Variants in BNC2 observed in about 807,000 individuals in gnomAD.
BNC2 encodes the protein zinc finger protein basonuclin-2.
A neutral mutation model predicts 76.3 loss-of-function variants in BNC2; 20 were observed. The ratio of observed to expected loss-of-function variants is 0.26; its 90% CI spans 0.18 to 0.38. BNC2 has a LOEUF of 0.38. Among genes scored for constraint, BNC2 ranks in the 10% least tolerant of loss-of-function variants. The pLI, the probability that BNC2 is intolerant of heterozygous loss-of-function variation, is 1.00. For missense variants in BNC2, 1,382 were observed against 1,399.8 expected (o/e 0.99, Z 0.20); for synonymous variants, 582 against 514.8 (o/e 1.13, Z -1.77).
chr9:16,431,403 C>T, intron 6 of BNC2: 1 of 452,646 alleles, frequency 2.2e-6, no homozygotes, highest in Non-Finnish European at 4.7e-6. Flanking sequence ...TTACACCCAC[C>T]AGCTAATTCT....
chr9:16,512,908 G>GC (rs1332189143), intron 5 of BNC2, among the ~76,000 whole-genome samples: 1 of 152,138 alleles, frequency 6.6e-6, no homozygotes, highest in South Asian at 2.1e-4. Flanking sequence ...GGCTGAGGGG[G>GC]GAAGATCACT....
intron 3 of BNC2, chr9:16,704,688 TTTTAAA>T (rs1392336089): frequency 5.6e-5 from 1 of 17,908 alleles, no homozygotes; most frequent in African/African-American, 8.3e-5. Context: ...TGGTTTTTTT[TTTTAAA>T]AAAAAAAAAA....
intron 1 of BNC2, among the ~76,000 whole-genome samples, chr9:16,866,783 G>A (rs991014738): frequency 1.3e-5 from 2 of 151,376 alleles, no homozygotes; most frequent in Non-Finnish European, 2.9e-5. Context: ...TAAACCTTAA[G>A]TATATCTAAT....
At chr9:16,634,503 T>A (rs577951557) in intron 3 of BNC2, among the ~76,000 whole-genome samples, 1 of 36,432 alleles carries the variant, frequency 2.7e-5, no homozygotes, top group Non-Finnish European at 4.9e-5. Flanking sequence ...TTCAAATATC[T>A]TTTTTTTTTT....
chr9:16,612,674 T>C (rs1378384461), intron 3 of BNC2, among the ~76,000 whole-genome samples: 3 of 152,194 alleles, frequency 2.0e-5, no homozygotes, highest in South Asian at 2.1e-4. Context: ...GAGATAAACC[T>C]GACCACAAAT....
At chr9:16,853,326 G>A (rs1023035270) in intron 1 of BNC2, among the ~76,000 whole-genome samples, 4 of 150,694 alleles carry the variant, frequency 2.7e-5, no homozygotes, top group African/African-American at 9.8e-5. Flanking sequence ...GATCACCTGA[G>A]CCCAGGGAGG....
intron 1 of BNC2, among the ~76,000 whole-genome samples, chr9:16,852,580 T>C (rs2136163540): frequency 1.3e-5 from 2 of 152,314 alleles, no homozygotes; most frequent in Middle Eastern, 6.8e-3. Context: ...CCTGTTCTTA[T>C]GGGGCTTCAT....
chr9:16,844,478 G>A (rs1394212473), intron 1 of BNC2, among the ~76,000 whole-genome samples: 6 of 145,726 alleles, frequency 4.1e-5, no homozygotes, highest in South Asian at 2.1e-4. Flanking sequence ...GTATTTTTAC[G>A]AATATTTTTC....
At chr9:16,819,983 G>A (rs886180670) in intron 1 of BNC2, among the ~76,000 whole-genome samples, 1 of 151,952 alleles carries the variant, frequency 6.6e-6, no homozygotes, top group East Asian at 1.9e-4. Context: ...AAATTAGCTA[G>A]GCGTGATGGT....
chr9:16,759,755 G>A lies in BNC2; in HGVS notation c.4-21270C>T, dbSNP rs544812101. Among the ~76,000 whole-genome samples the A allele has an allele frequency of 2.1e-5, 3 of 146,100 alleles. No homozygotes were observed. In the South Asian group the frequency reaches 6.5e-4, roughly 32 times the overall value. ...TTTTTTTTTTTTGACACAGAGTCTCGCTCTGTCGCCCTGACTAGAGTGTAG... is the reference window on the plus strand; with the variant it reads ...TTTTTTTTTTTTGACACAGAGTCTCACTCTGTCGCCCTGACTAGAGTGTAG... On this transcript the variant is annotated intron_variant, in intron 1 of 6. Coordinates refer to ENST00000380672, the MANE Select transcript of BNC2 (RefSeq NM_017637.6).
rs956310171 is a variant in BNC2, at chr9:16,543,840, G to T, written c.669+8690C>A. ...AGTCTCTGAAACTATCTCTCTAATA[G>T]GGAGGTTAGGAGGCTTGCCAGGACA... On this transcript the variant is annotated intron_variant, in intron 5 of 6. Coordinates refer to ENST00000380672, the MANE Select transcript of BNC2 (RefSeq NM_017637.6). Among the ~76,000 whole-genome samples, 25 of 152,234 alleles carry T rather than the reference G, an allele frequency of 1.6e-4. No homozygotes were observed. The South Asian group carries it at 3.3e-3, about 20-fold the overall frequency.
intron 1 of BNC2, among the ~76,000 whole-genome samples, chr9:16,823,037 T>C (rs1391639190): frequency 4.6e-5 from 7 of 152,312 alleles, no homozygotes; most frequent in African/African-American, 1.4e-4. Flanking sequence ...CACACAATGA[T>C]TGAAACCATA....
chr9:16,557,432 A>G (rs774716503), intron 4 of BNC2, among the ~76,000 whole-genome samples: 1 of 151,872 alleles, frequency 6.6e-6, no homozygotes, highest in Non-Finnish European at 1.5e-5. Flanking sequence ...CCAGGAGGCG[A>G]AGGTTGCAGT....
chr9:16,621,361 C>G (rs763863212), intron 3 of BNC2, among the ~76,000 whole-genome samples: 2 of 152,132 alleles, frequency 1.3e-5, no homozygotes, highest in Non-Finnish European at 2.9e-5. Flanking sequence ...TGTAATGTGT[C>G]TGTGGTTAGC....
intron 1 of BNC2, among the ~76,000 whole-genome samples, chr9:16,835,693 C>T (rs188832021): frequency 1.2e-3 from 185 of 152,268 alleles, no homozygotes; most frequent in South Asian, 3.7e-3. Context: ...CAGAGCAAGA[C>T]TCCCATTTCA....
chr9:16,717,483 A>C (rs571495483), intron 3 of BNC2, among the ~76,000 whole-genome samples: 1 of 152,326 alleles, frequency 6.6e-6, no homozygotes, highest in African/African-American at 2.4e-5. Flanking sequence ...TAGAAAGAGA[A>C]TTTTATGAAA....
intron 3 of BNC2, among the ~76,000 whole-genome samples, chr9:16,667,807 A>G (rs542730755): frequency 4.0e-4 from 61 of 152,274 alleles, no homozygotes; most frequent in African/African-American, 1.3e-3. Context: ...AAGGATATAC[A>G]AAGATCAACA....
intron 1 of BNC2, among the ~76,000 whole-genome samples, chr9:16,780,235 CAAAAAAAAAAAA>C (rs372583425): frequency 1.5e-5 from 1 of 66,310 alleles, no homozygotes; most frequent in East Asian, 4.2e-4. Context: ...GACTTCGTTT[CAAAAAAAAAAAA>C]AAAAAAAAAC....
At chr9:16,615,982 T>A (rs1820684724) in intron 3 of BNC2, among the ~76,000 whole-genome samples, 2 of 152,156 alleles carry the variant, frequency 1.3e-5, no homozygotes, top group African/African-American at 4.8e-5. Context: ...CAAAACCAAG[T>A]CTGAGAGCTC....
Sources: gnomAD v4.1 joint callset for allele counts (sites outside exome capture counted in the v4.1 genomes callset) on GRCh38, gnomAD v4.1.1 for gene constraint, MANE v1.5 for transcripts, NCBI Gene and HGNC (gene_info 2026-07-23, HGNC 2026-07-21) for gene names.